Variants in CDH17 observed in about 807,000 individuals in gnomAD.
CDH17 encodes the protein cadherin-17.
A neutral mutation model predicts 86.3 loss-of-function variants in CDH17; 67 were observed. The ratio of observed to expected loss-of-function variants is 0.78; its 90% CI spans 0.64 to 0.95. The LOEUF (loss-of-function observed/expected upper bound fraction) is 0.95. Ranked by LOEUF, CDH17 falls within the 40% of genes least tolerant of loss-of-function variation. The probability of loss-of-function intolerance (pLI) is 0.00; values close to 1 mark genes in which losing one functional copy is unlikely to be tolerated. For missense variants in CDH17, 993 were observed against 1,017.6 expected, an observed-to-expected ratio of 0.98 and a Z score of 0.33; for synonymous variants, 367 against 366.4, an observed-to-expected ratio of 1.00 and a Z score of -0.02.
At chr8:94,204,210 C>A (rs547332766) in intron 1 of CDH17, among the ~76,000 whole-genome samples, 4 of 151,906 alleles carry the variant, frequency 2.6e-5, no homozygotes, top group African/African-American at 9.7e-5. Context: ...TAGGTATAGA[C>A]GTGCCATGGT....
chr8:94,145,009 G>A (rs1812712954), intron 15 of CDH17, among the ~76,000 whole-genome samples: 2 of 152,222 alleles, frequency 1.3e-5, no homozygotes, highest in Admixed American at 1.3e-4. Flanking sequence ...AGCACAGCAA[G>A]TGCTGGGAGA....
intron 15 of CDH17, among the ~76,000 whole-genome samples, chr8:94,134,017 G>C (rs1812471935): frequency 6.6e-6 from 1 of 152,182 alleles, no homozygotes; most frequent in Non-Finnish European, 1.5e-5. Flanking sequence ...ACTTGATTGT[G>C]TTGGATAAGC....
At position 94,152,123 on chromosome 8, in the gene CDH17, G is replaced by C; in HGVS notation, c.1552-11C>G. 15 of 1,611,684 alleles carry C rather than the reference G, an allele frequency of 9.3e-6. No homozygotes were observed. The highest frequency in any genetic ancestry group is 1.3e-5 in the African/African-American group (1 of 74,832). On this transcript the variant is annotated splice_polypyrimidine_tract_variant and intron_variant, in intron 12 of 17. Coordinates refer to ENST00000027335, the MANE Select transcript of CDH17 (RefSeq NM_004063.4). ...TTCAAAATCAAGAGGCTGTGTAGGA[G>C]AAAGAGAGAAAATTAATTTTGGGGT...
chr8:94,214,264 C>T (rs1391405044), intron 1 of CDH17, among the ~76,000 whole-genome samples: 1 of 152,106 alleles, frequency 6.6e-6, no homozygotes, highest in Non-Finnish European at 1.5e-5. Flanking sequence ...AGGAGACCAG[C>T]ATGCATGTGA....
chr8:94,185,278 C>T (rs796215502), intron 3 of CDH17, among the ~76,000 whole-genome samples: 68 of 61,020 alleles, frequency 1.1e-3, no homozygotes, highest in African/African-American at 7.4e-3. Context: ...TACCCCAATA[C>T]ACACACACAC....
Position 94,148,759 on chromosome 8 carries a change from C to G in CDH17, c.1912G>C (p.Val638Leu). 2 of 1,528,960 alleles carry G rather than the reference C, an allele frequency of 1.3e-6. No individual in the cohort carries two copies. Among genetic ancestry groups the G allele is most frequent in the African/African-American group, 2.9e-5 (2 of 68,776 alleles). The allele number at this position is 1,528,960 out of a possible 1,614,324, so 94.7% of individuals were successfully genotyped here. A position where few individuals can be genotyped will look rare whatever the true frequency, so the allele number is the denominator to read the frequency against. ...EAGSPYRVQVVATEVGGSSLS... is the reference protein window; with the variant it reads ...EAGSPYRVQVLATEVGGSSLS... Reference sequence around the variant, plus strand: ...TTTTGCTTACCTACTTCTGTGGCCACCACTTGTACCCGATATGGACTTCCG... The same window carrying G: ...TTTTGCTTACCTACTTCTGTGGCCAGCACTTGTACCCGATATGGACTTCCG... The change falls in exon 14 of 18, where the codon GTG becomes CTG. Residue 638 changes from valine (V) to leucine (L), a missense_variant. Physicochemically the swap from Val to Leu is conservative, Grantham distance 32 (BLOSUM62 1). Transcript: ENST00000027335.
intron 1 of CDH17, among the ~76,000 whole-genome samples, chr8:94,208,282 T>C (rs1003707541): frequency 6.6e-6 from 1 of 152,120 alleles, no homozygotes; most frequent in African/African-American, 2.4e-5. Context: ...TATGGACCAA[T>C]GAAAAGAAAC....
chr8:94,162,073 GACA>G lies in CDH17; in HGVS notation c.1359+10_1359+12del. The G allele has an allele frequency of 6.9e-7, 1 of 1,454,724 alleles. No individual in the cohort carries two copies. Among genetic ancestry groups the G allele is most frequent in the Non-Finnish European group, 9.6e-7 (1 of 1,037,450 alleles). The allele number at this position is 1,454,724 out of a possible 1,614,324, so 90.1% of individuals were successfully genotyped here. On this transcript the variant is annotated intron_variant, in intron 11 of 17. Transcript: ENST00000027335. Reference sequence around the variant, plus strand: ...ATAAAGTAAAGAAAAAACAAATAATGACAACTACTCACATCTGATTTTTCAAAG... The same window carrying G: ...ATAAAGTAAAGAAAAAACAAATAATGACTACTCACATCTGATTTTTCAAAG...
chr8:94,151,873 G>T lies in CDH17; in HGVS notation c.1791C>A (p.Asp597Glu). ...CCAGCACTGTTGCCCTTTACCTTAT[G>T]TCCAGACCTTCTGGATCCTTGGCAG... ...NVTAKDPEGLDISYSLRGDTR... is the reference protein window; with the variant it reads ...NVTAKDPEGLEISYSLRGDTR... Residue 597 changes from aspartate to glutamate, a missense_variant, in exon 13 of 18, where the codon GAC (aspartate) becomes GAA (glutamate). Coordinates refer to ENST00000027335, the MANE Select transcript of CDH17 (RefSeq NM_004063.4). 6.2e-7 allele frequency: 1 copy of T among 1,614,126 alleles called. No individual in the cohort carries two copies. The highest frequency in any genetic ancestry group is 8.5e-7 in the Non-Finnish European group (1 of 1,180,012).
intron 3 of CDH17, among the ~76,000 whole-genome samples, chr8:94,188,479 A>G (rs1473201774): frequency 6.6e-6 from 1 of 152,148 alleles, no homozygotes; most frequent in Non-Finnish European, 1.5e-5. Flanking sequence ...GGGCACCCCC[A>G]AGAAGGCTCA....
At chr8:94,129,650 C>T (rs1222304242) in intron 17 of CDH17, among the ~76,000 whole-genome samples, 1 of 152,182 alleles carries the variant, frequency 6.6e-6, no homozygotes. Flanking sequence ...TAATGTTTAA[C>T]TTGTGGTGGG....
At position 94,148,852 on chromosome 8, in the gene CDH17, T is replaced by C. The variant is rs146717394; in HGVS notation, c.1819A>G (p.Arg607Gly). The C allele has an allele frequency of 1.3e-4, 213 of 1,611,194 alleles. No individual in the cohort carries two copies. The highest frequency in any genetic ancestry group is 1.7e-4 in the Non-Finnish European group (198 of 1,178,944). ...DISYSLRGDTRGWLKIDHVTG... is the reference protein window; with the variant it reads ...DISYSLRGDTGGWLKIDHVTG... Reference sequence around the variant, plus strand: ...ACGTGGTCAATTTTAAGCCAACCTCTTGTGTCTCCCCTCAGTGAATAGCTT... The same window carrying C: ...ACGTGGTCAATTTTAAGCCAACCTCCTGTGTCTCCCCTCAGTGAATAGCTT... The change falls in exon 14 of 18, where the codon AGA becomes GGA. Residue 607 changes from arginine to glycine, a missense_variant. Coordinates refer to ENST00000027335, the MANE Select transcript of CDH17 (RefSeq NM_004063.4).
At chr8:94,185,273 C>T (rs1732880299) in intron 3 of CDH17, among the ~76,000 whole-genome samples, 1 of 126,240 alleles carries the variant, frequency 7.9e-6, no homozygotes, top group African/African-American at 3.8e-5. Flanking sequence ...CACCCTACCC[C>T]AATACACACA....
chr8:94,200,339 T>C (rs80283660), intron 1 of CDH17, among the ~76,000 whole-genome samples: 4,736 of 152,092 alleles, frequency 0.031, 96 homozygotes, highest in Non-Finnish European at 0.048. Flanking sequence ...AGAATTGAAA[T>C]AGATTTCCAG....
At chr8:94,174,923 A>G (rs1270590736) in intron 5 of CDH17, among the ~76,000 whole-genome samples, 1 of 152,162 alleles carries the variant, frequency 6.6e-6, no homozygotes, top group Non-Finnish European at 1.5e-5. Context: ...GTTATTTTTA[A>G]TGAATTAATA....
At chr8:94,190,644 A>C (rs1813670856) in intron 2 of CDH17, among the ~76,000 whole-genome samples, 1 of 152,180 alleles carries the variant, frequency 6.6e-6, no homozygotes, top group Admixed American at 6.5e-5. Context: ...CTAGACAATA[A>C]AAATAAAAGA....
At chr8:94,202,867 CT>C in intron 1 of CDH17, 1 of 226,436 alleles carries the variant, frequency 4.4e-6, no homozygotes, top group South Asian at 6.8e-5. Flanking sequence ...CGTACATGGC[CT>C]TTCTGGAATA....
intron 15 of CDH17, among the ~76,000 whole-genome samples, chr8:94,141,475 A>G (rs528282490): frequency 1.3e-4 from 20 of 152,292 alleles, no homozygotes; most frequent in African/African-American, 4.6e-4. Flanking sequence ...AGTAATAAAC[A>G]AAAGGCATAC....
At chr8:94,211,096 A>G (rs1038666868), upstream of CDH17, among the ~76,000 whole-genome samples, 13 of 151,844 alleles carry the variant, frequency 8.6e-5, no homozygotes, top group Non-Finnish European at 1.3e-4. Flanking sequence ...TCACAGCTTC[A>G]TGGTGGTGAA....
Sources: allele counts gnomAD v4.1 joint callset (sites outside exome capture counted in the v4.1 genomes callset), GRCh38; gene constraint gnomAD v4.1.1; transcripts MANE v1.5; gene names NCBI Gene and HGNC (gene_info 2026-07-23, HGNC 2026-07-21).